Variants in C12orf54 observed in about 807,000 individuals in gnomAD.
C12orf54 encodes the protein uncharacterized protein C12orf54.
A neutral mutation model predicts 26.4 loss-of-function variants in C12orf54; 24 were observed. The ratio of observed to expected loss-of-function variants is 0.91; its 90% CI spans 0.66 to 1.28. C12orf54 has a LOEUF of 1.28. Among genes scored for constraint, C12orf54 ranks in the 50% most tolerant of loss-of-function variants. The probability of loss-of-function intolerance (pLI) is 0.00; values close to 1 mark genes in which losing one functional copy is unlikely to be tolerated. For synonymous variants in C12orf54, 54 were observed against 47.0 expected (o/e 1.15, Z -0.61); for missense variants, 154 against 150.9 (o/e 1.02, Z -0.11).
At chr12:48,466,360 A>G in the C12orf54 span, among the ~76,000 whole-genome samples, 29 of 152,226 alleles carry the variant, frequency 1.9e-4, no homozygotes, top group African/African-American at 5.5e-4. Flanking sequence ...CCTGGCCCAC[A>G]TAGTGAAACC....
At chr12:48,426,081 A>C in the C12orf54 span, among the ~76,000 whole-genome samples, 1 of 151,964 alleles carries the variant, frequency 6.6e-6, no homozygotes, top group African/African-American at 2.4e-5. Context: ...AGAAGTTCTC[A>C]AGTGTAATTA....
intron 4 of C12orf54, chr12:48,488,261 TA>T: frequency 1.6e-6 from 1 of 626,078 alleles, no homozygotes. Flanking sequence ...GGCCTCGGCC[TA>T]AAGGTCTGGA....
the C12orf54 span, among the ~76,000 whole-genome samples, chr12:48,461,920 T>G: frequency 6.6e-6 from 1 of 151,338 alleles, no homozygotes; most frequent in Admixed American, 6.6e-5. Flanking sequence ...AAAAGAGAAA[T>G]TAGTGAAATC....
At chr12:48,479,521 A>C (rs1954177283), upstream of C12orf54, among the ~76,000 whole-genome samples, 1 of 151,856 alleles carries the variant, frequency 6.6e-6, no homozygotes, top group African/African-American at 2.4e-5. Context: ...ATAATAATAA[A>C]ATAAAATATA....
At chr12:48,427,100 T>C in the C12orf54 span, among the ~76,000 whole-genome samples, 3 of 151,698 alleles carry the variant, frequency 2.0e-5, no homozygotes. Context: ...GGTGGACAGG[T>C]CTTCCAATAC....
the C12orf54 span, among the ~76,000 whole-genome samples, chr12:48,437,446 A>C: frequency 6.6e-6 from 1 of 152,110 alleles, no homozygotes; most frequent in Non-Finnish European, 1.5e-5. Context: ...GAGACACAAC[A>C]AAAAAAGAAA....
At chr12:48,454,322 A>G in the C12orf54 span, among the ~76,000 whole-genome samples, 1 of 152,026 alleles carries the variant, frequency 6.6e-6, no homozygotes, top group Non-Finnish European at 1.5e-5. Flanking sequence ...GATAGTCTCC[A>G]TCTCCTGACG....
the C12orf54 span, among the ~76,000 whole-genome samples, chr12:48,456,128 C>T: frequency 4.1e-4 from 62 of 152,264 alleles, no homozygotes; most frequent in African/African-American, 1.2e-3. Context: ...TATATCTCAA[C>T]GAAGTAGGGA....
chr12:48,488,902 C>T, intron 4 of C12orf54, 22 bp from the exon 5 acceptor site: 1 of 1,570,814 alleles, frequency 6.4e-7, no homozygotes, highest in Admixed American at 1.7e-5. Flanking sequence ...ATTATTTTTT[C>T]TATATTTTTG....
At chr12:48,495,124 A>G (rs1937884603) in intron 8 of C12orf54, 145 bp downstream of exon 8, 1 of 609,252 alleles carries the variant, frequency 1.6e-6, no homozygotes, top group Non-Finnish European at 2.8e-6. Context: ...CAATAGGGTG[A>G]GAGGGTGGAC....
At chr12:48,477,596 C>T (rs898430243), upstream of C12orf54, among the ~76,000 whole-genome samples, 1 of 152,102 alleles carries the variant, frequency 6.6e-6, no homozygotes, top group African/African-American at 2.4e-5. Context: ...GTACAAACTA[C>T]CATCAGAGAA....
At chr12:48,457,997 C>T in the C12orf54 span, among the ~76,000 whole-genome samples, 1 of 152,212 alleles carries the variant, frequency 6.6e-6, no homozygotes, top group Non-Finnish European at 1.5e-5. Flanking sequence ...GAGGAAGCAG[C>T]TCCCCAGTGT....
At chr12:48,479,444 A>G (rs1592196375), upstream of C12orf54, among the ~76,000 whole-genome samples, 4 of 152,242 alleles carry the variant, frequency 2.6e-5, no homozygotes, top group African/African-American at 9.6e-5. Context: ...GCACACCAAC[A>G]TGGCACATGT....
chr12:48,439,458 T>C, the C12orf54 span, among the ~76,000 whole-genome samples: 4 of 152,222 alleles, frequency 2.6e-5, no homozygotes, highest in Admixed American at 6.5e-5. Flanking sequence ...CGTATGTTTA[T>C]TGCAGCACTA....
the C12orf54 span, among the ~76,000 whole-genome samples, chr12:48,476,539 G>C: frequency 6.6e-6 from 1 of 152,200 alleles, no homozygotes; most frequent in Admixed American, 6.5e-5. Flanking sequence ...CAAAATAAAG[G>C]GATGGAGGAA....
the C12orf54 span, among the ~76,000 whole-genome samples, chr12:48,445,235 G>A: frequency 3.3e-5 from 5 of 151,914 alleles, no homozygotes; most frequent in Non-Finnish European, 7.4e-5. Flanking sequence ...GGCTCAGGAA[G>A]AGAATAGTCT....
the C12orf54 span, among the ~76,000 whole-genome samples, chr12:48,451,188 T>C: frequency 6.6e-6 from 1 of 151,820 alleles, no homozygotes; most frequent in African/African-American, 2.4e-5. Flanking sequence ...CATACACAAA[T>C]CAGTAAATGT....
intron 8 of C12orf54, 31 bp downstream of exon 8, chr12:48,495,010 C>T: frequency 6.6e-7 from 1 of 1,510,666 alleles, no homozygotes; most frequent in Non-Finnish European, 9.1e-7. Flanking sequence ...TTCCCCTGAG[C>T]TCCACCCTGC....
At chr12:48,422,577 T>C in the C12orf54 span, among the ~76,000 whole-genome samples, 2 of 152,148 alleles carry the variant, frequency 1.3e-5, no homozygotes, top group African/African-American at 2.4e-5. Context: ...CTAGAAATTG[T>C]TTGTCATATC....
Sources: gnomAD v4.1 joint callset for allele counts (sites outside exome capture counted in the v4.1 genomes callset) on GRCh38, gnomAD v4.1.1 for gene constraint, MANE v1.5 for transcripts, NCBI Gene and HGNC (gene_info 2026-07-23, HGNC 2026-07-21) for gene names.